Variants in CSMD1 observed in about 807,000 individuals in gnomAD.
CSMD1 encodes the protein CUB and sushi domain-containing protein 1.
In CSMD1, 213 loss-of-function variants were observed where a neutral mutation model predicts 417.5. The observed-to-expected ratio is 0.51, with a 90% CI of 0.46 to 0.57. The LOEUF (loss-of-function observed/expected upper bound fraction) is 0.57. Ranked by LOEUF, CSMD1 falls within the 20% of genes least tolerant of loss-of-function variation. CSMD1 has a pLI of 0.00. For missense variants in CSMD1, 6,923 were observed against 4,529.7 expected (o/e 1.53, Z -15.17); for synonymous variants, 2,862 against 1,736.8 (o/e 1.65, Z -16.11).
chr8:4,463,915 G>C (rs891824964), intron 2 of CSMD1, among the ~76,000 whole-genome samples: 3 of 152,074 alleles, frequency 2.0e-5, no homozygotes, highest in Non-Finnish European at 4.4e-5. Flanking sequence ...ATATAGCTCT[G>C]ATTAAAAGAA....
At chr8:4,567,702 C>T (rs1189567328) in intron 2 of CSMD1, among the ~76,000 whole-genome samples, 1 of 152,106 alleles carries the variant, frequency 6.6e-6, no homozygotes, top group African/African-American at 2.4e-5. Context: ...TACATTATAG[C>T]TGGGCCAATT....
intron 30 of CSMD1, among the ~76,000 whole-genome samples, chr8:3,212,896 C>T (rs1434622430): frequency 1.4e-5 from 2 of 145,804 alleles, no homozygotes; most frequent in African/African-American, 2.6e-5. Flanking sequence ...ATGGCACAAT[C>T]TCAGCTTCCA....
In CSMD1 at chr8:4,031,307, C is replaced by T. The variant is rs114656441; in HGVS notation, c.610+598G>A. On this transcript the variant is annotated intron_variant, in intron 4 of 69. Coordinates refer to ENST00000635120, the MANE Select transcript of CSMD1 (RefSeq NM_033225.6). Reference sequence around the variant, plus strand: ...AAGAAGTTTAATAGACTTACCGTCCCAAGTGGCTGGGGAAGCCTCACAATC... The same window carrying T: ...AAGAAGTTTAATAGACTTACCGTCCTAAGTGGCTGGGGAAGCCTCACAATC... Among the ~76,000 whole-genome samples the T allele has an allele frequency of 9.1e-3, 1,389 of 152,300 alleles. 27 individuals carry two copies. Among genetic ancestry groups the T allele is most frequent in the African/African-American group, 0.032 (1,333 of 41,546 alleles).
At chr8:4,687,542 A>T (rs1806470984) in intron 1 of CSMD1, among the ~76,000 whole-genome samples, 2 of 152,182 alleles carry the variant, frequency 1.3e-5, no homozygotes, top group African/African-American at 4.8e-5. Flanking sequence ...TTTATTTGGG[A>T]AATAAGAAAT....
rs185149428 is a variant in CSMD1 at position 3,849,256 on chromosome 8, G to C, written c.819-95214C>G. 1.9e-3 allele frequency among the ~76,000 whole-genome samples: 290 copies of C among 152,204 alleles called. 2 individuals are homozygous for C. Among genetic ancestry groups the C allele is most frequent in the African/African-American group, 6.8e-3 (282 of 41,536 alleles). ...AGGAATAAAACGAAACAAAACCACA[G>C]GAACACGGGTGCATGTGAATGTGCA... On this transcript the variant is annotated intron_variant, in intron 5 of 69. Transcript: ENST00000635120.
At chr8:3,444,789 C>G (rs1255686010) in intron 12 of CSMD1, among the ~76,000 whole-genome samples, 1 of 152,108 alleles carries the variant, frequency 6.6e-6, no homozygotes, top group Admixed American at 6.5e-5. Context: ...ACTTTGCCAC[C>G]AGACAACCAA....
At chr8:4,121,621 A>T (rs1308160297) in intron 3 of CSMD1, among the ~76,000 whole-genome samples, 4 of 33,290 alleles carry the variant, frequency 1.2e-4, no homozygotes, top group Admixed American at 2.9e-4. Context: ...CACCTAGTTT[A>T]AAAAAAAAAA....
intron 3 of CSMD1, among the ~76,000 whole-genome samples, chr8:4,130,857 A>T (rs201401208): frequency 6.6e-6 from 1 of 151,182 alleles, no homozygotes; most frequent in Non-Finnish European, 1.5e-5. Flanking sequence ...TATATTATTT[A>T]ACTTAGAAAG....
At chr8:4,688,511 A>T (rs1231933492) in intron 1 of CSMD1, among the ~76,000 whole-genome samples, 1 of 152,156 alleles carries the variant, frequency 6.6e-6, no homozygotes, top group Non-Finnish European at 1.5e-5. Context: ...ATTGAACTTC[A>T]TTAGAATACC....
intron 1 of CSMD1, among the ~76,000 whole-genome samples, chr8:4,678,586 A>C (rs1805839479): frequency 6.6e-6 from 1 of 152,218 alleles, no homozygotes; most frequent in Non-Finnish European, 1.5e-5. Flanking sequence ...TCAGAAATTA[A>C]GTGAAGAAAT....
At chr8:4,921,939 C>T (rs1282067326) in intron 1 of CSMD1, among the ~76,000 whole-genome samples, 1 of 152,162 alleles carries the variant, frequency 6.6e-6, no homozygotes, top group Admixed American at 6.5e-5. Flanking sequence ...CGTACCCTCA[C>T]ATCTGTTTGG....
chr8:4,883,842 T>C (rs1326568959), intron 1 of CSMD1, among the ~76,000 whole-genome samples: 2 of 152,116 alleles, frequency 1.3e-5, no homozygotes, highest in African/African-American at 4.8e-5. Context: ...CTCTTAGATT[T>C]ATAACTGGGG....
At chr8:4,060,075 C>T (rs944592889) in intron 3 of CSMD1, among the ~76,000 whole-genome samples, 9 of 152,190 alleles carry the variant, frequency 5.9e-5, no homozygotes, top group African/African-American at 2.2e-4. Flanking sequence ...TCCAGCAGCA[C>T]ACCAAAAAGC....
At chr8:3,133,081 G>A (rs904909019) in intron 41 of CSMD1, among the ~76,000 whole-genome samples, 4 of 152,188 alleles carry the variant, frequency 2.6e-5, no homozygotes, top group Admixed American at 6.5e-5. Context: ...CCAGCTCTGC[G>A]TGAGCCTGCA....
At chr8:4,170,022 A>G (rs1338413246) in intron 3 of CSMD1, among the ~76,000 whole-genome samples, 2 of 151,836 alleles carry the variant, frequency 1.3e-5, no homozygotes, top group African/African-American at 2.4e-5. Flanking sequence ...TAAAATCAAT[A>G]AGAGATTAAA....
chr8:3,764,894 T>G (rs1196998075), intron 5 of CSMD1, among the ~76,000 whole-genome samples: 2 of 151,842 alleles, frequency 1.3e-5, no homozygotes, highest in African/African-American at 4.8e-5. Context: ...TTAAGGTGAC[T>G]GCCACCACAC....
intron 57 of CSMD1, 118 bp downstream of exon 57, chr8:2,972,999 A>G (rs2128933378): frequency 1.0e-6 from 1 of 976,154 alleles, no homozygotes; most frequent in South Asian, 1.9e-5. Flanking sequence ...CGGGGAAAAG[A>G]TTTAATTGTA....
At chr8:4,251,399 A>C (rs1349903724) in intron 3 of CSMD1, among the ~76,000 whole-genome samples, 1 of 152,176 alleles carries the variant, frequency 6.6e-6, no homozygotes, top group East Asian at 1.9e-4. Context: ...CCTCCTATAA[A>C]GTTCTTGTAT....
chr8:3,359,159 C>A lies in CSMD1; in HGVS notation c.3297G>T (p.Arg1099Ser). ...GRRVWSAPLP[R>S]CVAECGASVK... ...AAGCGTGTGACCACCTACCCACACA[C>A]CTTGGCAGAGGTGCACTCCACACAC... The change falls in exon 21 of 70, where the codon AGG becomes AGT. Residue 1099 changes from arginine (R) to serine (S), a missense_variant. Arg to Ser is a moderately radical substitution (Grantham distance 110). Transcript: ENST00000635120. The A allele has an allele frequency of 6.2e-7, 1 of 1,613,988 alleles. No homozygotes were observed. Among genetic ancestry groups the A allele is most frequent in the Non-Finnish European group, 8.5e-7 (1 of 1,179,938 alleles).
Sources: gnomAD v4.1 joint callset for allele counts (sites outside exome capture counted in the v4.1 genomes callset) on GRCh38, gnomAD v4.1.1 for gene constraint, MANE v1.5 for transcripts, NCBI Gene and HGNC (gene_info 2026-07-23, HGNC 2026-07-21) for gene names.